The following CERS6 variants were observed in gnomAD, a reference collection of about 807,000 sequenced individuals.
CERS6 encodes ceramide synthase 6, also known as LAG1 homolog, ceramide synthase 6.
CERS6 carries 26 observed loss-of-function variants against 56.8 expected under a neutral mutation model. That is an observed-to-expected ratio of 0.46 (90% confidence interval 0.34 to 0.63). CERS6 has a LOEUF of 0.63. Among genes scored for constraint, CERS6 ranks in the 30% least tolerant of loss-of-function variants. The probability of loss-of-function intolerance (pLI) is 0.01; values close to 1 mark genes in which losing one functional copy is unlikely to be tolerated. For missense variants in CERS6, 415 were observed against 467.5 expected (o/e 0.89, Z 1.04); for synonymous variants, 164 against 173.3 (o/e 0.95, Z 0.42).
chr2:168,607,625 C>G (rs1267463112), intron 3 of CERS6, among the ~76,000 whole-genome samples: 1 of 152,200 alleles, frequency 6.6e-6, no homozygotes, highest in African/African-American at 2.4e-5. Flanking sequence ...TGTGATCCGC[C>G]TGCCTCGGCC....
At position 168,615,238 on chromosome 2, in the gene CERS6, C is replaced by T. The variant is rs147305212; in HGVS notation, c.408-15747C>T. Among the ~76,000 whole-genome samples the T allele has an allele frequency of 5.9e-3, 892 of 152,262 alleles. 7 individuals are homozygous for T. Among genetic ancestry groups the T allele is most frequent in the Middle Eastern group, 0.017 (5 of 294 alleles). ...ACAGCAGCCTTGAACCCCACATCTT[C>T]CCCCTGACATAGCCCACTCAAATGA... On this transcript the variant is annotated intron_variant, in intron 3 of 9. Transcript: ENST00000305747.
chr2:168,661,932 A>G (rs1204685761), intron 4 of CERS6, among the ~76,000 whole-genome samples: 1 of 152,244 alleles, frequency 6.6e-6, no homozygotes, highest in Non-Finnish European at 1.5e-5. Context: ...GATAATTTTT[A>G]GACAATTTAT....
At chr2:168,699,579 CTCT>C (rs1416512585) in intron 6 of CERS6, among the ~76,000 whole-genome samples, 1 of 152,056 alleles carries the variant, frequency 6.6e-6, no homozygotes, top group African/African-American at 2.4e-5. Context: ...TATTCATAAA[CTCT>C]TCTTTTTTGG....
At chr2:168,736,458 G>A (rs913353344) in intron 8 of CERS6, among the ~76,000 whole-genome samples, 16 of 151,944 alleles carry the variant, frequency 1.1e-4, no homozygotes, top group Admixed American at 9.2e-4. Context: ...TCCCAAGCAC[G>A]GGCACTACAG....
intron 3 of CERS6, among the ~76,000 whole-genome samples, chr2:168,595,095 A>G (rs1051581722): frequency 6.6e-6 from 1 of 152,164 alleles, no homozygotes. Context: ...ATTGTCCTCT[A>G]TTGGAGTTTA....
Position 168,764,042 on chromosome 2 carries a change from G to A in CERS6, c.846-1550G>A, listed in dbSNP as rs533043372. ...TGGCTGTTCCATTCTAGTTCTGATG[G>A]TAGATTACAGAGAGAACCAGTTACC... On this transcript the variant is annotated intron_variant, in intron 8 of 9. Transcript: ENST00000305747. Among the ~76,000 whole-genome samples, 94 of 152,296 alleles carry A rather than the reference G, an allele frequency of 6.2e-4. 1 individual carries two copies. The highest frequency in any genetic ancestry group is 6.0e-3 in the Admixed American group (92 of 15,308).
intron 1 of CERS6, among the ~76,000 whole-genome samples, chr2:168,507,160 CA>C (rs1694693388): frequency 6.6e-6 from 1 of 152,074 alleles, no homozygotes; most frequent in Non-Finnish European, 1.5e-5. Context: ...TTTCCCTAAA[CA>C]AAGATATTCT....
At chr2:168,658,734 C>G (rs1685553753) in intron 4 of CERS6, among the ~76,000 whole-genome samples, 1 of 152,166 alleles carries the variant, frequency 6.6e-6, no homozygotes, top group Non-Finnish European at 1.5e-5. Context: ...GATAAGGAAA[C>G]TGAGGCAGAA....
chr2:168,590,477 T>A (rs1683646560), intron 3 of CERS6, among the ~76,000 whole-genome samples: 1 of 152,178 alleles, frequency 6.6e-6, no homozygotes, highest in East Asian at 1.9e-4. Flanking sequence ...GACATGATAT[T>A]CCTGTTAATG....
chr2:168,597,838 C>A (rs961802826), intron 3 of CERS6, among the ~76,000 whole-genome samples: 2 of 152,212 alleles, frequency 1.3e-5, no homozygotes, highest in African/African-American at 2.4e-5. Context: ...ACCTCAGAGT[C>A]ATCTAGGACA....
intron 5 of CERS6, 86 bp downstream of exon 5, chr2:168,691,170 G>C (rs1000045923): frequency 1.6e-6 from 2 of 1,246,812 alleles, no homozygotes; most frequent in Admixed American, 3.4e-5. Flanking sequence ...GCCCCAACAG[G>C]TTGGACAACC....
At chr2:168,647,371 T>C (rs138562797) in intron 4 of CERS6, among the ~76,000 whole-genome samples, 2 of 152,356 alleles carry the variant, frequency 1.3e-5, no homozygotes, top group East Asian at 3.9e-4. Context: ...ATTGATTTTG[T>C]ATCCTGAAAC....
At chr2:168,551,439 C>G (rs1695569523) in intron 2 of CERS6, among the ~76,000 whole-genome samples, 2 of 152,314 alleles carry the variant, frequency 1.3e-5, no homozygotes, top group Non-Finnish European at 2.9e-5. Context: ...TGCGTCCCGT[C>G]ATTGTGGCCT....
At chr2:168,684,100 A>G (rs372351994) in intron 4 of CERS6, among the ~76,000 whole-genome samples, 50 of 152,346 alleles carry the variant, frequency 3.3e-4, no homozygotes, top group Non-Finnish European at 5.7e-4. Flanking sequence ...GTAAAGGCAC[A>G]TGCTAGACCA....
chr2:168,723,208 C>A lies in CERS6; in HGVS notation c.845+5230C>A, dbSNP rs140219047. 6.6e-3 allele frequency among the ~76,000 whole-genome samples: 1,002 copies of A among 152,266 alleles called. 9 individuals carry two copies. Among genetic ancestry groups the A allele is most frequent in the African/African-American group, 0.022 (912 of 41,544 alleles). On this transcript the variant is annotated intron_variant, in intron 8 of 9. Coordinates refer to ENST00000305747, the MANE Select transcript of CERS6 (RefSeq NM_203463.3). ...AAGAGACTTTTGTTGTCAAATAATT[C>A]AGCTACCACATGAATAATTCCAGTA...
At chr2:168,484,087 A>G (rs1288761381) in intron 1 of CERS6, among the ~76,000 whole-genome samples, 2 of 151,734 alleles carry the variant, frequency 1.3e-5, no homozygotes, top group Non-Finnish European at 2.9e-5. Flanking sequence ...AATCAAGAGG[A>G]AGTTCTACAT....
chr2:168,486,981 T>A (rs1558968154), intron 1 of CERS6, among the ~76,000 whole-genome samples: 2 of 152,160 alleles, frequency 1.3e-5, no homozygotes, highest in African/African-American at 4.8e-5. Context: ...CAGTGTGACT[T>A]CCAGGAATGA....
At chr2:168,528,454 T>C (rs1236012959) in intron 1 of CERS6, among the ~76,000 whole-genome samples, 6 of 152,198 alleles carry the variant, frequency 3.9e-5, no homozygotes, top group Non-Finnish European at 5.9e-5. Context: ...TTTGTGTCTT[T>C]TAGTACTCTA....
intron 4 of CERS6, among the ~76,000 whole-genome samples, chr2:168,675,458 C>T (rs1475560957): frequency 6.6e-6 from 1 of 151,870 alleles, no homozygotes; most frequent in Non-Finnish European, 1.5e-5. Flanking sequence ...TGGTGGCATG[C>T]ACGTGTAGTT....
Sources: allele counts gnomAD v4.1 joint callset (sites outside exome capture counted in the v4.1 genomes callset), GRCh38; gene constraint gnomAD v4.1.1; transcripts MANE v1.5; gene names NCBI Gene and HGNC (gene_info 2026-07-23, HGNC 2026-07-21).